Variants in SNTG1 observed in about 807,000 individuals in gnomAD.
The protein encoded by SNTG1 is gamma-1-syntrophin.
In SNTG1, 39 loss-of-function variants were observed where a neutral mutation model predicts 74.7. That is an observed-to-expected ratio of 0.52 (90% CI 0.40 to 0.68). SNTG1 has a LOEUF of 0.68. SNTG1 is among the 30% of genes least tolerant of loss of function. SNTG1 has a pLI of 0.00. For missense variants in SNTG1, 685 were observed against 609.5 expected (o/e 1.12, Z -1.30); for synonymous variants, 254 against 217.1 (o/e 1.17, Z -1.49).
At chr8:50,748,559 T>C (rs1050122505) in intron 17 of SNTG1, among the ~76,000 whole-genome samples, 15 of 152,056 alleles carry the variant, frequency 9.9e-5, no homozygotes, top group African/African-American at 3.6e-4. Context: ...CTTTGCTTTA[T>C]TGTCCTTCAC....
intron 4 of SNTG1, 31 bp downstream of exon 4, chr8:50,402,375 TTG>T (rs1416452640): frequency 1.9e-6 from 3 of 1,562,322 alleles, no homozygotes; most frequent in African/African-American, 2.8e-5. Context: ...TTGAAATTTT[TTG>T]TGTTTGTTTT....
At chr8:50,703,013 A>G (rs985681046) in intron 15 of SNTG1, among the ~76,000 whole-genome samples, 1 of 152,246 alleles carries the variant, frequency 6.6e-6, no homozygotes, top group Non-Finnish European at 1.5e-5. Flanking sequence ...GGGTGAGTCA[A>G]TGAATGAGTG....
intron 2 of SNTG1, among the ~76,000 whole-genome samples, chr8:50,351,670 C>T (rs2091665919): frequency 6.6e-6 from 1 of 152,124 alleles, no homozygotes; most frequent in African/African-American, 2.4e-5. Flanking sequence ...AATTCTAAAA[C>T]TGCATTACAA....
intron 2 of SNTG1, among the ~76,000 whole-genome samples, chr8:50,310,814 G>A (rs1042968613): frequency 6.6e-6 from 1 of 152,200 alleles, no homozygotes; most frequent in Non-Finnish European, 1.5e-5. Context: ...AGTATTGTGA[G>A]ATAAGATATA....
In SNTG1 at chr8:50,248,591, G is replaced by T. The variant is rs11988020; in HGVS notation, c.-28+75956G>T. 6.8e-3 allele frequency among the ~76,000 whole-genome samples: 1,031 copies of T among 152,162 alleles called. 12 individuals carry two copies. Among genetic ancestry groups the T allele is most frequent in the African/African-American group, 0.023 (975 of 41,508 alleles). On this transcript the variant is annotated intron_variant, in intron 2 of 18. Coordinates refer to ENST00000642720, the MANE Select transcript of SNTG1 (RefSeq NM_018967.5). Reference sequence around the variant, plus strand: ...AATGATAAATTCTCCAGATTACAAGGCCTCTCTGGTCTTTGTAACAAGTTT... The same window carrying T: ...AATGATAAATTCTCCAGATTACAAGTCCTCTCTGGTCTTTGTAACAAGTTT...
At chr8:50,159,143 T>A (rs2082339411) in intron 1 of SNTG1, among the ~76,000 whole-genome samples, 1 of 152,178 alleles carries the variant, frequency 6.6e-6, no homozygotes, top group Non-Finnish European at 1.5e-5. Flanking sequence ...CATGTTTATA[T>A]TGGATTATTT....
chr8:50,444,494 G>C (rs541993731), intron 5 of SNTG1, among the ~76,000 whole-genome samples: 7 of 152,256 alleles, frequency 4.6e-5, no homozygotes, highest in Admixed American at 1.3e-4. Flanking sequence ...GCTCACACTT[G>C]TAATCCCAAC....
intron 4 of SNTG1, among the ~76,000 whole-genome samples, chr8:50,405,082 T>G (rs1217560840): frequency 1.3e-5 from 2 of 152,154 alleles, no homozygotes; most frequent in Non-Finnish European, 2.9e-5. Flanking sequence ...TGTTTCCACC[T>G]TGGCTTTTTG....
chr8:50,105,961 T>C (rs2131271394), intron 1 of SNTG1, among the ~76,000 whole-genome samples: 1 of 152,250 alleles, frequency 6.6e-6, no homozygotes, highest in East Asian at 1.9e-4. Flanking sequence ...AGGTATAGAA[T>C]CATATCATCT....
At chr8:49,972,275 C>T (rs1811760122) in intron 1 of SNTG1, among the ~76,000 whole-genome samples, 1 of 152,194 alleles carries the variant, frequency 6.6e-6, no homozygotes, top group African/African-American at 2.4e-5. Flanking sequence ...AAAGGATTCT[C>T]TATTTAATAA....
intron 12 of SNTG1, among the ~76,000 whole-genome samples, chr8:50,570,576 A>ATTATTG (rs2094543117): frequency 1.7e-5 from 1 of 58,316 alleles, no homozygotes; most frequent in African/African-American, 7.1e-5. Context: ...TATTATTATT[A>ATTATTG]TTATTATTAT....
At chr8:50,412,346 G>A (rs1463006829) in intron 4 of SNTG1, among the ~76,000 whole-genome samples, 3 of 152,070 alleles carry the variant, frequency 2.0e-5, no homozygotes, top group Non-Finnish European at 1.5e-5. Flanking sequence ...CACTAAAGGT[G>A]ACTCCTTCTT....
chr8:50,480,766 A>G (rs2093733711), intron 8 of SNTG1, among the ~76,000 whole-genome samples: 1 of 152,180 alleles, frequency 6.6e-6, no homozygotes, highest in African/African-American at 2.4e-5. Context: ...TTAATAATAA[A>G]TTGGGAAAAT....
intron 13 of SNTG1, among the ~76,000 whole-genome samples, chr8:50,626,856 G>T (rs1031888712): frequency 1.3e-5 from 2 of 152,094 alleles, no homozygotes; most frequent in East Asian, 3.9e-4. Flanking sequence ...AGATTTGGGA[G>T]CCTGTTCCAA....
intron 1 of SNTG1, among the ~76,000 whole-genome samples, chr8:50,102,291 G>T (rs1369719738): frequency 1.3e-5 from 2 of 151,558 alleles, no homozygotes; most frequent in African/African-American, 2.4e-5. Flanking sequence ...GTTTTGATTT[G>T]CATTTCTCTG....
chr8:50,007,943 C>T (rs996684578), intron 1 of SNTG1, among the ~76,000 whole-genome samples: 27 of 151,952 alleles, frequency 1.8e-4, no homozygotes, highest in African/African-American at 5.8e-4. Flanking sequence ...AGAGAGATAG[C>T]AAAGGGGGAA....
intron 1 of SNTG1, among the ~76,000 whole-genome samples, chr8:50,040,553 G>C (rs984958433): frequency 1.2e-4 from 19 of 152,132 alleles, no homozygotes; most frequent in Non-Finnish European, 2.4e-4. Flanking sequence ...GGATTATTAA[G>C]TATTGCAGGT....
At chr8:50,260,685 G>T (rs1193207351) in intron 2 of SNTG1, among the ~76,000 whole-genome samples, 1 of 147,106 alleles carries the variant, frequency 6.8e-6, no homozygotes, top group Non-Finnish European at 1.5e-5. Flanking sequence ...AAGAGCTAAT[G>T]GAAAAAAAAC....
chr8:50,475,283 G>T (rs940625017), intron 8 of SNTG1, among the ~76,000 whole-genome samples: 1 of 151,694 alleles, frequency 6.6e-6, no homozygotes, highest in Admixed American at 6.6e-5. Flanking sequence ...GAAAAAAAAT[G>T]GTTAAGATGG....
Sources: gnomAD v4.1 joint callset for allele counts (sites outside exome capture counted in the v4.1 genomes callset) on GRCh38, gnomAD v4.1.1 for gene constraint, MANE v1.5 for transcripts, NCBI Gene and HGNC (gene_info 2026-07-23, HGNC 2026-07-21) for gene names.